SLIT2: variants seen among roughly 807,000 people sequenced by gnomAD.
SLIT2 encodes the protein slit homolog 2 protein.
A neutral mutation model predicts 185.7 loss-of-function variants in SLIT2; 41 were observed. The observed-to-expected ratio is 0.22, with a 90% CI of 0.17 to 0.29. The LOEUF (loss-of-function observed/expected upper bound fraction) is 0.29, where lower values mean the gene tolerates loss of function less well. SLIT2 is among the 10% of genes least tolerant of loss of function. SLIT2 has a pLI of 1.00. For missense variants in SLIT2, 1,571 were observed against 1,909.0 expected (o/e 0.82, Z 3.30); for synonymous variants, 693 against 680.2 (o/e 1.02, Z -0.29).
intron 4 of SLIT2, among the ~76,000 whole-genome samples, chr4:20,462,293 C>T (rs1713814068): frequency 1.3e-5 from 2 of 152,222 alleles, no homozygotes; most frequent in South Asian, 4.1e-4. Context: ...TTAAGGTGCT[C>T]AATATTTTTA....
At chr4:20,475,021 T>C (rs1715940888) in intron 5 of SLIT2, among the ~76,000 whole-genome samples, 1 of 151,860 alleles carries the variant, frequency 6.6e-6, no homozygotes, top group Admixed American at 6.6e-5. Context: ...ACAGACTCTT[T>C]CCTGAAAGAG....
chr4:20,351,555 C>T (rs1217623952), intron 4 of SLIT2, among the ~76,000 whole-genome samples: 1 of 152,096 alleles, frequency 6.6e-6, no homozygotes, highest in Non-Finnish European at 1.5e-5. Context: ...CAGACAGCTC[C>T]CCAGGTTACT....
chr4:20,529,198 C>A, intron 16 of SLIT2, 99 bp downstream of exon 16: 1 of 892,094 alleles, frequency 1.1e-6, no homozygotes. Context: ...TTAATAATTG[C>A]ATTAATTTTA....
chr4:20,369,974 T>TG (rs1417315550), intron 4 of SLIT2, among the ~76,000 whole-genome samples: 1 of 152,110 alleles, frequency 6.6e-6, no homozygotes, highest in Non-Finnish European at 1.5e-5. Context: ...GAATGATTCT[T>TG]GAAGTGTTTT....
At chr4:20,555,657 C>T (rs1272069644) in intron 26 of SLIT2, among the ~76,000 whole-genome samples, 2 of 152,144 alleles carry the variant, frequency 1.3e-5, no homozygotes, top group East Asian at 3.9e-4. Flanking sequence ...ATACCCTCAA[C>T]GTTTTTAATT....
intron 3 of SLIT2, among the ~76,000 whole-genome samples, chr4:20,259,967 T>C (rs930697986): frequency 1.1e-4 from 17 of 151,870 alleles, no homozygotes; most frequent in Non-Finnish European, 2.1e-4. Flanking sequence ...TTCCTTGGAC[T>C]CTGGAATTCA....
chr4:20,526,836 T>C (rs1721338319), intron 15 of SLIT2, among the ~76,000 whole-genome samples: 1 of 152,194 alleles, frequency 6.6e-6, no homozygotes, highest in African/African-American at 2.4e-5. Flanking sequence ...TAATTAAAAT[T>C]TGAGTCCACC....
chr4:20,426,097 C>T (rs956792517), intron 4 of SLIT2, among the ~76,000 whole-genome samples: 6 of 152,154 alleles, frequency 3.9e-5, no homozygotes, highest in African/African-American at 1.4e-4. Context: ...AACAGGGTTG[C>T]TCCTTCTTCA....
At chr4:20,303,352 G>T (rs918026958) in intron 4 of SLIT2, among the ~76,000 whole-genome samples, 1 of 151,830 alleles carries the variant, frequency 6.6e-6, no homozygotes, top group African/African-American at 2.4e-5. Flanking sequence ...TTGTTTTATT[G>T]TTTTCATTGA....
intron 34 of SLIT2, among the ~76,000 whole-genome samples, chr4:20,613,611 T>C (rs2148984945): frequency 6.6e-6 from 1 of 152,240 alleles, no homozygotes; most frequent in South Asian, 2.1e-4. Context: ...CCTCGTGACA[T>C]GAGTTTACCC....
chr4:20,314,368 G>A (rs1010885965), intron 4 of SLIT2, among the ~76,000 whole-genome samples: 1 of 152,166 alleles, frequency 6.6e-6, no homozygotes, highest in Non-Finnish European at 1.5e-5. Flanking sequence ...AGAGGTTTAT[G>A]TATATATACA....
At position 20,612,745 on chromosome 4, in the gene SLIT2, G is replaced by A. The variant is rs184515943; in HGVS notation, c.3847+2578G>A. ...ATCCTGGTTAACACGGTGAAACCCC[G>A]TCTCTACTAAAAACTACAAAAAATT... On this transcript the variant is annotated intron_variant, in intron 34 of 36. Transcript: ENST00000504154. 5.6e-4 allele frequency among the ~76,000 whole-genome samples: 85 copies of A among 151,936 alleles called. 1 individual carries two copies. Among genetic ancestry groups the A allele is most frequent in the South Asian group, 2.7e-3 (13 of 4,798 alleles).
chr4:20,272,304 T>C (rs1713712881), intron 4 of SLIT2, among the ~76,000 whole-genome samples: 1 of 152,004 alleles, frequency 6.6e-6, no homozygotes, highest in Non-Finnish European at 1.5e-5. Context: ...CATGAAGTTT[T>C]CTTAACTTAT....
intron 4 of SLIT2, 29 bp from the exon 5 acceptor site, chr4:20,467,723 G>T: frequency 7.3e-7 from 1 of 1,365,422 alleles, no homozygotes; most frequent in Non-Finnish European, 1.0e-6. Context: ...ATTTTCTAAC[G>T]TGATCCTTTT....
chr4:20,388,990 A>G (rs934663276), intron 4 of SLIT2, among the ~76,000 whole-genome samples: 1 of 148,514 alleles, frequency 6.7e-6, no homozygotes, highest in East Asian at 1.9e-4. Flanking sequence ...ATATATGTAT[A>G]TAGGAGATAT....
At chr4:20,483,019 T>TTGCA (rs1224428616) in intron 6 of SLIT2, among the ~76,000 whole-genome samples, 2 of 151,902 alleles carry the variant, frequency 1.3e-5, no homozygotes, top group Admixed American at 6.6e-5. Context: ...TGAAGAAGGG[T>TTGCA]TCTAGAAAGA....
chr4:20,553,494 C>T (rs539029908), intron 25 of SLIT2, among the ~76,000 whole-genome samples: 6 of 152,248 alleles, frequency 3.9e-5, no homozygotes, highest in South Asian at 2.1e-4. Context: ...GTAATGCACT[C>T]GGTGTGTTTA....
chr4:20,497,614 C>T (rs997157490), intron 9 of SLIT2, among the ~76,000 whole-genome samples: 5 of 152,180 alleles, frequency 3.3e-5, no homozygotes, highest in Admixed American at 2.0e-4. Flanking sequence ...TGTCATCTTT[C>T]CTATTCTCCG....
intron 4 of SLIT2, among the ~76,000 whole-genome samples, chr4:20,329,394 A>G (rs1334142760): frequency 6.6e-6 from 1 of 152,008 alleles, no homozygotes; most frequent in Non-Finnish European, 1.5e-5. Flanking sequence ...AATAACTTTA[A>G]TTTTTATAAT....
Sources: allele counts gnomAD v4.1 joint callset (sites outside exome capture counted in the v4.1 genomes callset), GRCh38; gene constraint gnomAD v4.1.1; transcripts MANE v1.5; gene names NCBI Gene and HGNC (gene_info 2026-07-23, HGNC 2026-07-21).